FOXK1: variants seen among roughly 807,000 people sequenced by gnomAD.
FOXK1 encodes the protein forkhead box protein K1.
In FOXK1, 19 loss-of-function variants were observed where a neutral mutation model predicts 51.9. The observed-to-expected ratio is 0.37, with a 90% CI of 0.26 to 0.54. The LOEUF (loss-of-function observed/expected upper bound fraction) is 0.54. FOXK1 is among the 20% of genes least tolerant of loss of function. The probability of loss-of-function intolerance (pLI) is 0.87; values close to 1 mark genes in which losing one functional copy is unlikely to be tolerated. For synonymous variants in FOXK1, 537 were observed against 482.6 expected, an observed-to-expected ratio of 1.11 and a Z score of -1.48; for missense variants, 870 against 1,032.7, an observed-to-expected ratio of 0.84 and a Z score of 2.16.
At chr7:4,716,952 C>T (rs557758179) in intron 1 of FOXK1, among the ~76,000 whole-genome samples, 5 of 151,676 alleles carry the variant, frequency 3.3e-5, no homozygotes, top group South Asian at 2.1e-4. Flanking sequence ...TGGTGGGAGG[C>T]GCATGGCTGG....
rs1265032989 is a variant in FOXK1 at position 4,711,238 on chromosome 7, C to T, written c.560+28370C>T. Among the ~76,000 whole-genome samples the T allele has an allele frequency of 3.9e-5, 6 of 152,112 alleles. No individual in the cohort carries two copies. The highest frequency in any genetic ancestry group is 8.8e-5 in the Non-Finnish European group (6 of 68,022). On this transcript the variant is annotated intron_variant, in intron 1 of 8. Coordinates refer to ENST00000328914, the MANE Select transcript of FOXK1 (RefSeq NM_001037165.2). This position sits in a 1 kb window ranked among gnomAD's most constrained non-coding sequence, Gnocchi z 6.3. ...TGTGCTGGTGTGCCCTCCTGGGTCC[C>T]GACACCTGGGGGTGTTTTCACAGGG...
rs187974251 is a variant in FOXK1, at chr7:4,731,370, C to T, written c.561-9468C>T. On this transcript the variant is annotated intron_variant, in intron 1 of 8. Transcript: ENST00000328914. The surrounding 1 kb of genome is among the most constrained non-coding windows in gnomAD (Gnocchi z 5.3). ...AAGACACGTTGCAGCCTGCAAAATT[C>T]GAAAAGTACCTGGAGTATGTAACAG... Among the ~76,000 whole-genome samples, 23 of 152,342 alleles carry T rather than the reference C, an allele frequency of 1.5e-4. No homozygotes were observed. Among genetic ancestry groups the T allele is most frequent in the Non-Finnish European group, 3.1e-4 (21 of 68,030 alleles).
rs1246683238 is a variant in FOXK1, at chr7:4,733,353, T to C, written c.561-7485T>C. 6.6e-6 allele frequency among the ~76,000 whole-genome samples: 1 copy of C among 152,190 alleles called. No homozygotes were observed. The highest frequency in any genetic ancestry group is 1.5e-5 in the Non-Finnish European group (1 of 68,022). ...CACACATGACCATCTTAATGTCAGCTATGACCTGGAGGCACCAGACTTTTT... is the reference window on the plus strand; with the variant it reads ...CACACATGACCATCTTAATGTCAGCCATGACCTGGAGGCACCAGACTTTTT... On this transcript the variant is annotated intron_variant, in intron 1 of 8. Coordinates refer to ENST00000328914, the MANE Select transcript of FOXK1 (RefSeq NM_001037165.2). This position sits in a 1 kb window ranked among gnomAD's most constrained non-coding sequence, Gnocchi z 5.0.
Position 4,709,204 on chromosome 7 carries a change from T to TGCCTAACCCACGC in FOXK1, c.560+26340_560+26341insAACCCACGCGCCT, listed in dbSNP as rs1780143683. On this transcript the variant is annotated intron_variant, in intron 1 of 8. Transcript: ENST00000328914. The surrounding 1 kb of genome is among the most constrained non-coding windows in gnomAD (Gnocchi z 5.6). ...GGCCCGAGGCCCCAGGATACCCCCG[T>TGCCTAACCCACGC]GCCTTACCCACGCTATTTGCTGCCT... 6.6e-6 allele frequency among the ~76,000 whole-genome samples: 1 copy of TGCCTAACCCACGC among 152,174 alleles called. No individual in the cohort carries two copies. The highest frequency in any genetic ancestry group is 1.5e-5 in the Non-Finnish European group (1 of 68,016).
chr7:4,737,085 C>T (rs1364779407), intron 1 of FOXK1, among the ~76,000 whole-genome samples: 4 of 151,198 alleles, frequency 2.6e-5, no homozygotes, highest in Admixed American at 6.6e-5. Flanking sequence ...AAATGTCTTA[C>T]GAAAAAACAC....
rs2115048670 is a variant in FOXK1, at chr7:4,722,536, C to T, written c.561-18302C>T. Among the ~76,000 whole-genome samples, 1 of 152,352 alleles carries T rather than the reference C, an allele frequency of 6.6e-6. No individual in the cohort carries two copies. Among genetic ancestry groups the T allele is most frequent in the South Asian group, 2.1e-4 (1 of 4,832 alleles). ...CAGTGCCAGCGTGCTGGGACGGGTA[C>T]ACTCGTGCCTGTTAACCGCACACCT... is the stretch of plus-strand genomic sequence containing the variant. On this transcript the variant is annotated intron_variant, in intron 1 of 8. Coordinates refer to ENST00000328914, the MANE Select transcript of FOXK1 (RefSeq NM_001037165.2). This position sits in a 1 kb window ranked among gnomAD's most constrained non-coding sequence, Gnocchi z 5.1.
At position 4,763,102 on chromosome 7, in the gene FOXK1, T is replaced by A. The variant is rs1780959757; in HGVS notation, c.*638T>A. 6.5e-6 allele frequency: 1 copy of A among 152,774 alleles called. No individual in the cohort carries two copies. 9.5% of individuals were successfully genotyped at this position (152,774 alleles called of 1,614,324 possible). ...ACACCTGAGACAGACACAAAAGGGA[T>A]CATGTATTTTTGAGGATTTTACCTG... On this transcript the variant is annotated 3_prime_UTR_variant, in exon 9 of 9. Coordinates refer to ENST00000328914, the MANE Select transcript of FOXK1 (RefSeq NM_001037165.2).
In FOXK1 at chr7:4,765,622, C is replaced by A. The variant is rs1163742834; in HGVS notation, c.*3158C>A. The stretch of plus-strand genomic sequence containing the variant: ...GGTCACCAGGGACTGGGGGCACGGT[C>A]CACAGCGGATGAGAACAGCAGGTCA... On this transcript the variant is annotated 3_prime_UTR_variant, in exon 9 of 9. Coordinates refer to ENST00000328914, the MANE Select transcript of FOXK1 (RefSeq NM_001037165.2). 6.6e-6 allele frequency: 1 copy of A among 152,414 alleles called. No individual in the cohort carries two copies. Among genetic ancestry groups the A allele is most frequent in the Non-Finnish European group, 1.5e-5 (1 of 68,172 alleles). 9.4% of individuals were successfully genotyped at this position (152,414 alleles called of 1,614,324 possible).
chr7:4,752,064 T>G (rs1166281533), intron 2 of FOXK1, among the ~76,000 whole-genome samples: 2 of 152,252 alleles, frequency 1.3e-5, no homozygotes, highest in African/African-American at 4.8e-5. Flanking sequence ...GCCATCTTCC[T>G]GCCTCAGCCT....
At position 4,761,019 on chromosome 7, in the gene FOXK1, G is replaced by T; in HGVS notation, c.1697-45G>T. 2 of 1,568,542 alleles carry T rather than the reference G, an allele frequency of 1.3e-6. No individual in the cohort carries two copies. Among genetic ancestry groups the T allele is most frequent in the Non-Finnish European group, 1.8e-6 (2 of 1,142,184 alleles). Reference sequence around the variant, plus strand: ...TGCCCAGGCGTCGAGGAAATCGATTGTCTCGTTGGCCGAGTGTGGTGCTGA... The same window carrying T: ...TGCCCAGGCGTCGAGGAAATCGATTTTCTCGTTGGCCGAGTGTGGTGCTGA... On this transcript the variant is annotated intron_variant, in intron 7 of 8. Transcript: ENST00000328914. The surrounding 1 kb of genome is among the most constrained non-coding windows in gnomAD (Gnocchi z 6.2).
rs1385379920 is a variant in FOXK1, at chr7:4,768,118, C to CTACT, written c.*5655_*5656insACTT. 3 of 113,298 alleles carry CTACT rather than the reference C, an allele frequency of 2.6e-5. No individual in the cohort carries two copies. The highest frequency in any genetic ancestry group is 1.2e-4 in the African/African-American group (3 of 25,274). 7.0% of individuals were successfully genotyped at this position (113,298 alleles called of 1,614,324 possible). A position where few individuals can be genotyped will look rare whatever the true frequency, so the allele number is the denominator to read the frequency against. On this transcript the variant is annotated 3_prime_UTR_variant, in exon 9 of 9. Transcript: ENST00000328914. ...TTTAAAAACAGACCCATTTCACTGA[C>CTACT]TTCTTTTTTTTTTTTTTTTTTTTTT...
intron 1 of FOXK1, among the ~76,000 whole-genome samples, chr7:4,704,046 A>G (rs1332892607): frequency 2.0e-5 from 3 of 152,252 alleles, no homozygotes; most frequent in African/African-American, 7.2e-5. Flanking sequence ...GCTTCCGATC[A>G]GTGTCTAACC....
At chr7:4,688,407 T>G (rs1489854198) in intron 1 of FOXK1, among the ~76,000 whole-genome samples, 7 of 150,812 alleles carry the variant, frequency 4.6e-5, no homozygotes, top group African/African-American at 7.5e-5. Context: ...TTTTTTATTT[T>G]TATTTTTTTT....
chr7:4,715,881 G>A lies in FOXK1; in HGVS notation c.561-24957G>A, dbSNP rs1045360015. Among the ~76,000 whole-genome samples the A allele has an allele frequency of 2.0e-5, 3 of 152,190 alleles. No individual in the cohort carries two copies. The highest frequency in any genetic ancestry group is 2.4e-5 in the African/African-American group (1 of 41,446). On this transcript the variant is annotated intron_variant, in intron 1 of 8. Coordinates refer to ENST00000328914, the MANE Select transcript of FOXK1 (RefSeq NM_001037165.2). The surrounding 1 kb of genome is among the most constrained non-coding windows in gnomAD (Gnocchi z 4.5). Reference sequence around the variant, plus strand: ...TCCAGCCACTGGTCACAGGATGGCCGTTGCTGAACTTCAACATTGGCCACC... The same window carrying A: ...TCCAGCCACTGGTCACAGGATGGCCATTGCTGAACTTCAACATTGGCCACC...
rs146678822 is a variant in FOXK1, at chr7:4,737,552, C to CTGTGTGTGTGTG, written c.561-3275_561-3264dup. On this transcript the variant is annotated intron_variant, in intron 1 of 8. Coordinates refer to ENST00000328914, the MANE Select transcript of FOXK1 (RefSeq NM_001037165.2). ...TGCATTCATGCACGTGTGTGCGTGC[C>CTGTGTGTGTGTG]TGTGTGTGTGTGTGTGTGTGTGCAT... 8.3e-3 allele frequency among the ~76,000 whole-genome samples: 1,231 copies of CTGTGTGTGTGTG among 148,964 alleles called. 14 individuals carry two copies. The highest frequency in any genetic ancestry group is 0.028 in the African/African-American group (1,121 of 40,698).
intron 1 of FOXK1, among the ~76,000 whole-genome samples, chr7:4,724,236 C>T (rs888133035): frequency 6.6e-6 from 1 of 152,142 alleles, no homozygotes; most frequent in Non-Finnish European, 1.5e-5. Flanking sequence ...TCCTCTGTCA[C>T]CCAGGCTGGA....
intron 1 of FOXK1, among the ~76,000 whole-genome samples, chr7:4,724,018 C>T (rs1780347273): frequency 1.3e-5 from 2 of 152,086 alleles, no homozygotes; most frequent in African/African-American, 4.8e-5. Flanking sequence ...CTGCTGCCTA[C>T]TTTTTCGAGG....
chr7:4,698,898 G>C (rs764526570), intron 1 of FOXK1, among the ~76,000 whole-genome samples: 1 of 152,158 alleles, frequency 6.6e-6, no homozygotes, highest in Non-Finnish European at 1.5e-5. Context: ...GTGTTGCCCA[G>C]GCTGGTCTCA....
intron 1 of FOXK1, among the ~76,000 whole-genome samples, chr7:4,717,486 T>A (rs1299900839): frequency 7.4e-6 from 1 of 134,394 alleles, no homozygotes; most frequent in Non-Finnish European, 1.5e-5. Flanking sequence ...GGGAGGCATG[T>A]GGCTGGGAGG....
Sources: gnomAD v4.1 joint callset for allele counts (sites outside exome capture counted in the v4.1 genomes callset) on GRCh38, gnomAD v4.1.1 for gene constraint, Gnocchi (gnomAD v3.1) non-coding constraint, MANE v1.5 for transcripts, NCBI Gene and HGNC (gene_info 2026-07-23, HGNC 2026-07-21) for gene names.